TRPM6: variants seen among roughly 807,000 people sequenced by gnomAD.
TRPM6 encodes the protein transient receptor potential cation channel subfamily M member 6, also known as channel kinase 2.
In TRPM6, 111 loss-of-function variants were observed where a neutral mutation model predicts 247.6. The ratio of observed to expected loss-of-function variants is 0.45; its 90% CI spans 0.38 to 0.52. The LOEUF (loss-of-function observed/expected upper bound fraction) is 0.52. TRPM6 is among the 20% of genes least tolerant of loss of function. The probability of loss-of-function intolerance (pLI) is 0.00; values close to 1 mark genes in which losing one functional copy is unlikely to be tolerated. For synonymous variants in TRPM6, 892 were observed against 853.8 expected (o/e 1.04, Z -0.78); for missense variants, 2,126 against 2,421.5 (o/e 0.88, Z 2.56).
intron 37 of TRPM6, among the ~76,000 whole-genome samples, chr9:74,728,934 G>A (rs1173625999): frequency 1.3e-5 from 2 of 152,234 alleles, no homozygotes; most frequent in Non-Finnish European, 2.9e-5. Context: ...ATGACACAAT[G>A]TGTTGGTGGA....
intron 6 of TRPM6, 98 bp downstream of exon 6, chr9:74,833,900 T>C: frequency 6.7e-7 from 1 of 1,494,086 alleles, no homozygotes; most frequent in Non-Finnish European, 9.3e-7. Context: ...ATATATTACA[T>C]CTGTAATGTT....
At chr9:74,725,482 T>A (rs1327165850) in intron 38 of TRPM6, among the ~76,000 whole-genome samples, 1 of 152,150 alleles carries the variant, frequency 6.6e-6, no homozygotes, top group Non-Finnish European at 1.5e-5. Context: ...TTTGGCTGTG[T>A]CCCCACCCCA....
intron 23 of TRPM6, among the ~76,000 whole-genome samples, chr9:74,780,666 T>G (rs1263762157): frequency 4.6e-5 from 7 of 152,080 alleles, no homozygotes; most frequent in East Asian, 1.9e-4. Flanking sequence ...AGCAGAGAGA[T>G]AAATTAGAGG....
chr9:74,824,080 T>C (rs185254135), intron 7 of TRPM6, among the ~76,000 whole-genome samples: 23 of 152,016 alleles, frequency 1.5e-4, no homozygotes, highest in Non-Finnish European at 2.8e-4. Context: ...ATAATACTTT[T>C]ACCATCCGAA....
intron 33 of TRPM6, among the ~76,000 whole-genome samples, chr9:74,741,073 C>T (rs2118742886): frequency 6.6e-6 from 1 of 152,118 alleles, no homozygotes; most frequent in East Asian, 1.9e-4. Context: ...GTTAAATAGG[C>T]TAACATGTCT....
chr9:74,774,528 C>T (rs1587490921), intron 24 of TRPM6, among the ~76,000 whole-genome samples: 2 of 152,144 alleles, frequency 1.3e-5, no homozygotes, highest in East Asian at 3.9e-4. Context: ...AAAAATACTT[C>T]ACAGAGTCAC....
At chr9:74,852,085 A>G (rs1224001496) in intron 3 of TRPM6, among the ~76,000 whole-genome samples, 2 of 152,044 alleles carry the variant, frequency 1.3e-5, no homozygotes, top group African/African-American at 2.4e-5. Context: ...GCAATGAGCT[A>G]TGACTGTACC....
At chr9:74,752,458 ACATT>A in intron 28 of TRPM6, 90 bp from the exon 29 acceptor site, 1 of 744,244 alleles carries the variant, frequency 1.3e-6, no homozygotes, top group Non-Finnish European at 2.3e-6. Flanking sequence ...TGAACACAGT[ACATT>A]CATTTAAACT....
chr9:74,825,869 G>A (rs1430372038), intron 7 of TRPM6, among the ~76,000 whole-genome samples: 3 of 151,904 alleles, frequency 2.0e-5, no homozygotes, highest in East Asian at 3.9e-4. Context: ...TCTTCTTCAA[G>A]GTCCTTCTCT....
chr9:74,851,104 C>T (rs1564049206), intron 3 of TRPM6, among the ~76,000 whole-genome samples: 1 of 151,506 alleles, frequency 6.6e-6, no homozygotes, highest in East Asian at 1.9e-4. Context: ...ACATTTTATT[C>T]TTTTTTTTTC....
intron 32 of TRPM6, 90 bp from the exon 33 acceptor site, chr9:74,742,716 C>T (rs1825904155): frequency 1.8e-6 from 2 of 1,101,822 alleles, no homozygotes; most frequent in African/African-American, 1.6e-5. Context: ...TCATATAATG[C>T]TATTTAATTT....
chr9:74,872,285 C>G (rs192228688), intron 1 of TRPM6, among the ~76,000 whole-genome samples: 3 of 151,530 alleles, frequency 2.0e-5, no homozygotes. Flanking sequence ...CACACTCAGC[C>G]AACAGTAGCA....
At chr9:74,847,367 AT>A (rs1353596105) in intron 3 of TRPM6, among the ~76,000 whole-genome samples, 5 of 152,170 alleles carry the variant, frequency 3.3e-5, no homozygotes, top group South Asian at 4.1e-4. Flanking sequence ...CGTCCGGCTA[AT>A]TTGGGGTTTT....
intron 11 of TRPM6, among the ~76,000 whole-genome samples, chr9:74,816,178 C>T (rs1165860088): frequency 6.6e-6 from 1 of 152,074 alleles, no homozygotes; most frequent in Non-Finnish European, 1.5e-5. Flanking sequence ...TATAACAAGT[C>T]GTTGTCTCAA....
rs12353040 is a variant in TRPM6 at position 74,738,969 on chromosome 9, T to A, written c.5571-357A>T. 8.2e-3 allele frequency among the ~76,000 whole-genome samples: 1,256 copies of A among 152,290 alleles called. 26 individuals carry two copies. Among genetic ancestry groups the A allele is most frequent in the African/African-American group, 0.028 (1,172 of 41,546 alleles). ...AATGAATGCAAGTGTATGAAGACAC[T>A]CAAGTGAAAGTAACATGAGTTTATT... On this transcript the variant is annotated intron_variant, in intron 35 of 38. Coordinates refer to ENST00000360774, the MANE Select transcript of TRPM6 (RefSeq NM_017662.5).
chr9:74,870,587 G>T (rs1355754085), intron 1 of TRPM6, among the ~76,000 whole-genome samples: 1 of 152,182 alleles, frequency 6.6e-6, no homozygotes, highest in African/African-American at 2.4e-5. Context: ...CAGCTGTCCA[G>T]CTATAAAGTT....
chr9:74,769,602 C>CA (rs1300454623), intron 25 of TRPM6, among the ~76,000 whole-genome samples: 3 of 151,396 alleles, frequency 2.0e-5, no homozygotes, highest in Non-Finnish European at 4.4e-5. Flanking sequence ...ACTAAAAATA[C>CA]AAAAAATTAG....
chr9:74,742,489 G>T, intron 33 of TRPM6, 72 bp downstream of exon 33: 3 of 1,426,222 alleles, frequency 2.1e-6, no homozygotes, highest in South Asian at 1.2e-5. Context: ...ATGCAATGTG[G>T]TTTCCTTTGA....
intron 23 of TRPM6, among the ~76,000 whole-genome samples, chr9:74,781,520 G>A (rs1361194491): frequency 1.0e-5 from 1 of 99,540 alleles, no homozygotes; most frequent in African/African-American, 3.9e-5. Context: ...CTGGGTAACA[G>A]AGCAAGACTC....
Sources: gnomAD v4.1 joint callset for allele counts (sites outside exome capture counted in the v4.1 genomes callset) on GRCh38, gnomAD v4.1.1 for gene constraint, MANE v1.5 for transcripts, NCBI Gene and HGNC (gene_info 2026-07-23, HGNC 2026-07-21) for gene names.